The following KRABD4 variants were observed in gnomAD, a reference collection of about 807,000 sequenced individuals.
The protein encoded by KRABD4 is KRAB domain containing 4.
the KRABD4 span, chrX:46,462,509 CAA>C: frequency 0.048 from 15,207 of 319,686 alleles, no homozygotes; most frequent in East Asian, 0.092. Flanking sequence ...GACTCGGTCT[CAA>C]AAAAAAAAAA....
the KRABD4 span, among the ~76,000 whole-genome samples, chrX:46,458,907 T>A: frequency 9.0e-6 from 1 of 111,469 alleles, no homozygotes; most frequent in Non-Finnish European, 1.9e-5. Flanking sequence ...TATAGAATAG[T>A]TAAATAAATT....
the KRABD4 span, among the ~76,000 whole-genome samples, chrX:46,452,042 C>T: frequency 8.9e-6 from 1 of 112,078 alleles, no homozygotes; most frequent in South Asian, 3.7e-4. Context: ...GCCTCCCAGA[C>T]TCAACAATCC....
chrX:46,472,600 G>A, the KRABD4 span: 5 of 545,397 alleles, frequency 9.2e-6, no homozygotes, highest in Admixed American at 2.0e-4. Context: ...AGGGGAGGTG[G>A]TGGTGGTGGG....
the KRABD4 span, among the ~76,000 whole-genome samples, chrX:46,460,442 G>T: frequency 9.2e-6 from 1 of 108,703 alleles, no homozygotes; most frequent in East Asian, 2.9e-4. Flanking sequence ...GCTGGGGGCA[G>T]GGGGGTGGAT....
chrX:46,463,105 A>G, the KRABD4 span: 1 of 1,009,731 alleles, frequency 9.9e-7, no homozygotes, highest in East Asian at 3.1e-5. Context: ...AGCTGTGTGC[A>G]TGGGGCCATC....
the KRABD4 span, among the ~76,000 whole-genome samples, chrX:46,451,502 T>A: frequency 1.8e-5 from 2 of 111,150 alleles, no homozygotes; most frequent in Admixed American, 9.6e-5. Flanking sequence ...AAGTTTTTAA[T>A]TTTTTTTTAC....
chrX:46,467,283 TG>T, the KRABD4 span, among the ~76,000 whole-genome samples: 1 of 111,920 alleles, frequency 8.9e-6, no homozygotes, highest in Non-Finnish European at 1.9e-5. Context: ...CCGGGTGTGG[TG>T]CCTCACGCCT....
chrX:46,473,859 G>GC, the KRABD4 span: 1 of 128,158 alleles, frequency 7.8e-6, no homozygotes, highest in Non-Finnish European at 1.6e-5. Context: ...CACCATGTTG[G>GC]CCAGCCTGGT....
At chrX:46,469,282 A>G in the KRABD4 span, among the ~76,000 whole-genome samples, 1 of 112,518 alleles carries the variant, frequency 8.9e-6, no homozygotes, top group Non-Finnish European at 1.9e-5. Flanking sequence ...ATTTGTGGAT[A>G]ATTGATGTGC....
the KRABD4 span, among the ~76,000 whole-genome samples, chrX:46,464,730 G>C: frequency 8.9e-6 from 1 of 112,516 alleles, no homozygotes; most frequent in East Asian, 2.8e-4. Flanking sequence ...TGTAATGACT[G>C]TGTGTCTTGT....
chrX:46,460,516 G>A, the KRABD4 span, among the ~76,000 whole-genome samples: 10 of 109,126 alleles, frequency 9.2e-5, no homozygotes, highest in African/African-American at 3.0e-4. Flanking sequence ...ATGTGGGAAG[G>A]TCCACGGACC....
At chrX:46,472,638 T>C in the KRABD4 span, 5 of 893,671 alleles carry the variant, frequency 5.6e-6, no homozygotes, top group Non-Finnish European at 7.9e-6. Context: ...CCACATCAGC[T>C]CAAGTCATGT....
chrX:46,468,652 T>A, the KRABD4 span, among the ~76,000 whole-genome samples: 2 of 111,296 alleles, frequency 1.8e-5, no homozygotes, highest in Non-Finnish European at 3.8e-5. Context: ...ACACAAAATT[T>A]AAAAAGCAAC....
At chrX:46,462,754 T>C in the KRABD4 span, 1 of 1,211,532 alleles carries the variant, frequency 8.3e-7, no homozygotes, top group Middle Eastern at 2.3e-4. Context: ...ACAGGAATCA[T>C]TGACCTTCAA....
the KRABD4 span, chrX:46,473,448 A>T: frequency 9.1e-7 from 1 of 1,097,880 alleles, no homozygotes; most frequent in Admixed American, 2.8e-5. Context: ...GAAAGCCTTC[A>T]GTAGGAAGTC....
At chrX:46,462,518 A>G in the KRABD4 span, 1 of 487,720 alleles carries the variant, frequency 2.1e-6, no homozygotes, top group Non-Finnish European at 3.3e-6. Flanking sequence ...TCAAAAAAAA[A>G]AAAAGAAAGA....
At chrX:46,464,435 AGAGATT>A in the KRABD4 span, among the ~76,000 whole-genome samples, 1 of 112,090 alleles carries the variant, frequency 8.9e-6, no homozygotes, top group Non-Finnish European at 1.9e-5. Context: ...ACTGCTCGTT[AGAGATT>A]AATTTCAGAG....
At chrX:46,450,472 C>T in the KRABD4 span, 12 of 1,206,356 alleles carry the variant, frequency 9.9e-6, no homozygotes, top group African/African-American at 5.3e-5. Context: ...TGGCCATGTC[C>T]CAGGTGAGTT....
At chrX:46,448,870 G>A in the KRABD4 span, among the ~76,000 whole-genome samples, 5 of 112,378 alleles carry the variant, frequency 4.4e-5, no homozygotes, top group Non-Finnish European at 7.5e-5. Flanking sequence ...CTGCTTCCAG[G>A]GGAAATGCTG....
Sources: gnomAD v4.1 joint callset for allele counts (sites outside exome capture counted in the v4.1 genomes callset) on GRCh38, gnomAD v4.1.1 for gene constraint, MANE v1.5 for transcripts, NCBI Gene and HGNC (gene_info 2026-07-23, HGNC 2026-07-21) for gene names.